Variants in LIPA observed in about 807,000 individuals in gnomAD.
The protein encoded by LIPA is lysosomal acid lipase/cholesteryl ester hydrolase.
Under a neutral mutation model 40.6 loss-of-function variants are expected in LIPA, and 26 were observed. The observed-to-expected ratio is 0.64, with a 90% confidence interval of 0.47 to 0.89. LIPA has a LOEUF of 0.89. Among genes scored for constraint, LIPA ranks in the 40% least tolerant of loss-of-function variants. LIPA has a pLI of 0.00. For missense variants in LIPA, 455 were observed against 479.6 expected, an observed-to-expected ratio of 0.95 and a Z score of 0.48; for synonymous variants, 188 against 168.4, an observed-to-expected ratio of 1.12 and a Z score of -0.90.
chr10:89,337,106 A>G (rs1418428911), intron 1 of LIPA, among the ~76,000 whole-genome samples: 2 of 152,184 alleles, frequency 1.3e-5, no homozygotes, highest in African/African-American at 4.8e-5. Context: ...ACTCAAGCTG[A>G]GCCTCCGTGG....
intron 1 of LIPA, among the ~76,000 whole-genome samples, chr10:89,297,453 C>T (rs886409824): frequency 1.3e-5 from 2 of 152,048 alleles, no homozygotes; most frequent in Non-Finnish European, 2.9e-5. Flanking sequence ...TCCCAGGAGC[C>T]CCCAGTGATA....
intron 3 of LIPA, among the ~76,000 whole-genome samples, chr10:89,244,492 A>C (rs1843000264): frequency 6.6e-6 from 1 of 152,130 alleles, no homozygotes; most frequent in Non-Finnish European, 1.5e-5. Context: ...AATAAGCTAC[A>C]TCTTACTTGA....
At position 89,348,419 on chromosome 10, in the gene LIPA, G is replaced by A. The variant is rs550996976; in HGVS notation, c.61+64372C>T. ...CAACTGGAAAAAGTGTATACAAAAA[G>A]GACAAAAGGACTTTCACCAAAAAAA... On this transcript the variant is annotated intron_variant, in intron 2 of 8. Transcript: ENST00000371837. Among the ~76,000 whole-genome samples the A allele has an allele frequency of 7.7e-4, 117 of 152,202 alleles. 1 individual carries two copies. Among genetic ancestry groups the A allele is most frequent in the African/African-American group, 2.7e-3 (114 of 41,522 alleles).
intron 2 of LIPA, among the ~76,000 whole-genome samples, chr10:89,361,842 G>GA (rs748257860): frequency 7.9e-5 from 10 of 127,172 alleles, no homozygotes; most frequent in East Asian, 2.3e-4. Context: ...CAGCTATGGG[G>GA]AAAAAAAAAT....
intron 3 of LIPA, among the ~76,000 whole-genome samples, chr10:89,237,710 G>A (rs1227739646): frequency 1.3e-5 from 2 of 152,156 alleles, no homozygotes; most frequent in Non-Finnish European, 2.9e-5. Flanking sequence ...TTCCAGATTG[G>A]TTCCATTGAT....
At chr10:89,412,816 C>G (rs1430787178) in exon 2 of LIPA, 4 of 408,286 alleles carry the variant, frequency 9.8e-6, no homozygotes, top group Non-Finnish European at 1.5e-5. Flanking sequence ...CCAGACACAT[C>G]TGAACATCGA....
chr10:89,412,070 T>C (rs1219538262), intron 2 of LIPA, among the ~76,000 whole-genome samples: 1 of 152,180 alleles, frequency 6.6e-6, no homozygotes, highest in Non-Finnish European at 1.5e-5. Context: ...CTGCTGGCCC[T>C]TCCACTGGCC....
At chr10:89,259,094 T>C (rs757663935) in intron 1 of LIPA, among the ~76,000 whole-genome samples, 4 of 152,190 alleles carry the variant, frequency 2.6e-5, no homozygotes, top group Non-Finnish European at 4.4e-5. Flanking sequence ...GATGAAAATG[T>C]TCTAAAATTA....
chr10:89,394,577 AATATATAT>A lies in LIPA; in HGVS notation c.61+18206_61+18213del, dbSNP rs200060906. Among the ~76,000 whole-genome samples the A allele has an allele frequency of 9.0e-3, 974 of 108,540 alleles. 4 individuals carry two copies. Among genetic ancestry groups the A allele is most frequent in the Non-Finnish European group, 0.012 (657 of 55,572 alleles). The allele number at this position is 108,540 out of a possible 152,430, so 71.2% of individuals were successfully genotyped here. On this transcript the variant is annotated intron_variant, in intron 2 of 8. Coordinates refer to the LIPA transcript ENST00000371837. The stretch of plus-strand genomic sequence containing the variant: ...TTTATGTCAATATGTACTACAGGAA[AATATATAT>A]ATATATATATATATATATATATATA...
At chr10:89,225,553 A>T (rs954515353) in intron 5 of LIPA, among the ~76,000 whole-genome samples, 1 of 152,222 alleles carries the variant, frequency 6.6e-6, no homozygotes, top group African/African-American at 2.4e-5. Flanking sequence ...ACTATTTCCA[A>T]GAGCCTCACC....
chr10:89,343,037 AG>A (rs1843886041), upstream of LIPA, among the ~76,000 whole-genome samples: 1 of 152,250 alleles, frequency 6.6e-6, no homozygotes, highest in South Asian at 2.1e-4. Context: ...TGTGATAATC[AG>A]CTCCAAGAGC....
intron 1 of LIPA, among the ~76,000 whole-genome samples, chr10:89,271,715 A>G (rs866566646): frequency 1.3e-5 from 2 of 152,230 alleles, no homozygotes; most frequent in Middle Eastern, 3.2e-3. Context: ...AGGAGTCATG[A>G]CAAGAACCAG....
intron 1 of LIPA, among the ~76,000 whole-genome samples, chr10:89,303,161 T>C (rs759064500): frequency 1.2e-4 from 18 of 152,250 alleles, no homozygotes; most frequent in Non-Finnish European, 2.4e-4. Context: ...TGTCCTTTCT[T>C]TCCTTAATTC....
intron 1 of LIPA, among the ~76,000 whole-genome samples, chr10:89,326,007 A>T (rs890309065): frequency 6.6e-6 from 1 of 152,208 alleles, no homozygotes; most frequent in Non-Finnish European, 1.5e-5. Context: ...AACTATTATA[A>T]CTACTATGGA....
At chr10:89,342,468 A>G (rs1470688277) in intron 1 of LIPA, 2 of 152,230 alleles carry the variant, frequency 1.3e-5, no homozygotes, top group African/African-American at 4.8e-5. Flanking sequence ...CTTTAGGGCA[A>G]TTGTCTAAAA....
intron 1 of LIPA, among the ~76,000 whole-genome samples, chr10:89,248,848 C>T (rs996405878): frequency 5.9e-5 from 9 of 152,060 alleles, no homozygotes; most frequent in African/African-American, 1.9e-4. Flanking sequence ...CCTTTGGAGT[C>T]CAGCATACCC....
intron 1 of LIPA, among the ~76,000 whole-genome samples, chr10:89,327,712 T>G (rs1334662131): frequency 6.6e-6 from 1 of 152,230 alleles, no homozygotes; most frequent in Non-Finnish European, 1.5e-5. Context: ...ACATGGTTGG[T>G]GAGTATGGCC....
chr10:89,304,221 C>T (rs1422583029), intron 1 of LIPA, among the ~76,000 whole-genome samples: 1 of 152,204 alleles, frequency 6.6e-6, no homozygotes, highest in Non-Finnish European at 1.5e-5. Flanking sequence ...TAGGTCTTAG[C>T]AAAGAGCCAG....
intron 1 of LIPA, among the ~76,000 whole-genome samples, chr10:89,272,212 C>T (rs1212377927): frequency 6.6e-6 from 1 of 152,104 alleles, no homozygotes; most frequent in African/African-American, 2.4e-5. Context: ...AAGCGTAGTA[C>T]CCATTAGTTA....
Sources: gnomAD v4.1 joint callset for allele counts (sites outside exome capture counted in the v4.1 genomes callset) on GRCh38, gnomAD v4.1.1 for gene constraint, MANE v1.5 for transcripts, NCBI Gene and HGNC (gene_info 2026-07-23, HGNC 2026-07-21) for gene names.